The following SPIRE1 variants were observed in gnomAD, a reference collection of about 807,000 sequenced individuals.
The protein encoded by SPIRE1 is protein spire homolog 1.
In SPIRE1, 40 loss-of-function variants were observed where a neutral mutation model predicts 94.1. The ratio of observed to expected loss-of-function variants is 0.43; its 90% CI spans 0.33 to 0.55. The LOEUF is 0.55. Ranked by LOEUF, SPIRE1 falls within the 20% of genes least tolerant of loss-of-function variation. The pLI is 0.06. For missense variants in SPIRE1, 838 were observed against 975.2 expected (o/e 0.86, Z 1.87); for synonymous variants, 376 against 371.7 (o/e 1.01, Z -0.13).
chr18:12,630,975 G>A (rs963757938), intron 2 of SPIRE1, among the ~76,000 whole-genome samples: 9 of 152,176 alleles, frequency 5.9e-5, no homozygotes, highest in Admixed American at 3.3e-4. Flanking sequence ...TTGTGACCCC[G>A]TATAACCTCA....
Position 12,506,596 on chromosome 18 carries a change from T to C in SPIRE1, c.853A>G (p.Lys285Glu). The C allele has an allele frequency of 6.2e-7, 1 of 1,614,104 alleles. No individual in the cohort carries two copies. Among genetic ancestry groups the C allele is most frequent in the South Asian group, 1.1e-5 (1 of 91,084 alleles). ...QVMRDLRNGV[K>E]LKKVQERQYN... ...TGCCGCTCTTGGACCTTCTTAAGTT[T>C]TACCCCATTCCTCAAATCCCTCATC... Residue 285 changes from lysine to glutamate, a missense_variant, in exon 6 of 17, where the codon AAA (lysine) becomes GAA (glutamate). Around this residue, in one of 2 missense-constraint regions of SPIRE1, gnomAD observed 645 missense variants for 804.7 expected, o/e 0.80. Coordinates refer to ENST00000409402, the MANE Select transcript of SPIRE1 (RefSeq NM_001128626.2).
chr18:12,621,244 T>G (rs2037459915), intron 2 of SPIRE1, among the ~76,000 whole-genome samples: 1 of 152,152 alleles, frequency 6.6e-6, no homozygotes, highest in African/African-American at 2.4e-5. Context: ...TTGGCAAGGA[T>G]GTGGAAAAAT....
At position 12,453,122 on chromosome 18, in the gene SPIRE1, C is replaced by A; in HGVS notation, c.1793G>T (p.Arg598Leu). 1 of 1,606,484 alleles carries A rather than the reference C, an allele frequency of 6.2e-7. No individual in the cohort carries two copies. The highest frequency in any genetic ancestry group is 8.5e-7 in the Non-Finnish European group (1 of 1,177,834). Residue 598 changes from arginine (R) to leucine (L), a missense_variant, in exon 14 of 17, where the codon CGA (arginine) becomes CTA (leucine). Arg to Leu is a moderately radical substitution (Grantham distance 102). Transcript: ENST00000409402. ...LKKGKLCFCC[R>L]TRRFSFFTWS... ...AGTGAAGAAGGAAAACCTCCTGGTT[C>A]GGCAACAAAAGCAGAGCTAAAAAAT...
intron 2 of SPIRE1, among the ~76,000 whole-genome samples, chr18:12,584,454 T>C (rs550043613): frequency 8.6e-4 from 131 of 151,788 alleles, no homozygotes; most frequent in Admixed American, 1.5e-3. Context: ...AAAAATGAAT[T>C]TAAGAAAAAC....
chr18:12,487,156 T>C (rs1055496086), intron 8 of SPIRE1, among the ~76,000 whole-genome samples: 1 of 152,082 alleles, frequency 6.6e-6, no homozygotes, highest in African/African-American at 2.4e-5. Context: ...CCCGGCCAAT[T>C]CATAAGTTTT....
chr18:12,611,345 C>A (rs1289382598), intron 2 of SPIRE1, among the ~76,000 whole-genome samples: 1 of 152,280 alleles, frequency 6.6e-6, no homozygotes, highest in Middle Eastern at 3.4e-3. Flanking sequence ...TAGCTTCTCT[C>A]TATATATCTT....
At chr18:12,565,763 C>A (rs62097100) in intron 2 of SPIRE1, among the ~76,000 whole-genome samples, 51,109 of 148,310 alleles carry the variant, frequency 0.34, 10,080 homozygotes, top group East Asian at 0.6. Context: ...TGGCCGGGCG[C>A]GGTGGCTCAC....
chr18:12,558,610 C>G (rs2035589392), intron 2 of SPIRE1, among the ~76,000 whole-genome samples: 1 of 152,180 alleles, frequency 6.6e-6, no homozygotes, highest in Admixed American at 6.5e-5. Context: ...TCTGTTTTGA[C>G]AGAGTGCTGA....
rs745716391 is a variant in SPIRE1, at chr18:12,447,921, C to T, written c.*1717G>A. On this transcript the variant is annotated 3_prime_UTR_variant, in exon 17 of 17. Coordinates refer to ENST00000409402, the MANE Select transcript of SPIRE1 (RefSeq NM_001128626.2). Reference sequence around the variant, plus strand: ...CATCAAAAGGGGTAGATTTATACTCCCACCTAACTGTCTGGAGTATAGAGT... The same window carrying T: ...CATCAAAAGGGGTAGATTTATACTCTCACCTAACTGTCTGGAGTATAGAGT... 2 of 152,090 alleles carry T rather than the reference C, an allele frequency of 1.3e-5. No individual in the cohort carries two copies. The highest frequency in any genetic ancestry group is 2.9e-5 in the Non-Finnish European group (2 of 68,034). The allele number at this position is 152,090 out of a possible 1,614,324, so 9.4% of individuals were successfully genotyped here. A position where few individuals can be genotyped will look rare whatever the true frequency, so the allele number is the denominator to read the frequency against.
Position 12,472,396 on chromosome 18 carries a change from C to T in SPIRE1, c.1404+7303G>A, listed in dbSNP as rs142849111. On this transcript the variant is annotated intron_variant, in intron 10 of 16. Transcript: ENST00000409402. ...TTTTTTTTTTTTTTTGAGACAGGGT[C>T]TCACTCTACCACCCAGGCTGGAGTG... Among the ~76,000 whole-genome samples, 62 of 144,854 alleles carry T rather than the reference C, an allele frequency of 4.3e-4. No individual in the cohort carries two copies. In the East Asian group the frequency reaches 0.012, roughly 28 times the overall value.
At chr18:12,629,691 T>C (rs1942451693) in intron 2 of SPIRE1, among the ~76,000 whole-genome samples, 1 of 152,164 alleles carries the variant, frequency 6.6e-6, no homozygotes, top group Admixed American at 6.5e-5. Context: ...ATTGTAGGGA[T>C]AGTTAACAAC....
At chr18:12,633,469 G>A (rs1056343240) in intron 2 of SPIRE1, among the ~76,000 whole-genome samples, 1 of 151,910 alleles carries the variant, frequency 6.6e-6, no homozygotes, top group Non-Finnish European at 1.5e-5. Context: ...CCAGCGACTC[G>A]GGAAGCTGAG....
chr18:12,476,013 A>G (rs956737209), intron 10 of SPIRE1, among the ~76,000 whole-genome samples: 7 of 152,314 alleles, frequency 4.6e-5, no homozygotes, highest in Middle Eastern at 3.4e-3. Flanking sequence ...ATGGCTTTAC[A>G]ACAGACCTTC....
intron 4 of SPIRE1, among the ~76,000 whole-genome samples, chr18:12,526,092 C>CACACACACACACACACACACACAG (rs765621602): frequency 3.6e-4 from 53 of 148,960 alleles, no homozygotes; most frequent in African/African-American, 6.4e-4. Flanking sequence ...CACACACACA[C>CACACACACACACACACACACACAG]AGAGATGTAT....
intron 2 of SPIRE1, among the ~76,000 whole-genome samples, chr18:12,553,238 C>G (rs2035406991): frequency 6.6e-6 from 1 of 152,188 alleles, no homozygotes; most frequent in Non-Finnish European, 1.5e-5. Flanking sequence ...TAGGTACCAG[C>G]TTGGCCACAG....
chr18:12,462,389 G>T (rs2031901538), intron 12 of SPIRE1, among the ~76,000 whole-genome samples: 1 of 152,122 alleles, frequency 6.6e-6, no homozygotes, highest in Admixed American at 6.6e-5. Context: ...TTGACTGTGG[G>T]TAGAATATTA....
chr18:12,486,742 T>C (rs1423320287), intron 8 of SPIRE1, among the ~76,000 whole-genome samples: 1 of 152,248 alleles, frequency 6.6e-6, no homozygotes, highest in Non-Finnish European at 1.5e-5. Flanking sequence ...TGACACACAG[T>C]AAAAACTGAA....
At chr18:12,549,945 C>T (rs1425708948) in intron 2 of SPIRE1, among the ~76,000 whole-genome samples, 1 of 152,198 alleles carries the variant, frequency 6.6e-6, no homozygotes, top group African/African-American at 2.4e-5. Flanking sequence ...CCTACAGGAG[C>T]TGATCCATTC....
intron 10 of SPIRE1, among the ~76,000 whole-genome samples, chr18:12,467,344 A>G (rs773803786): frequency 6.6e-5 from 10 of 152,190 alleles, no homozygotes; most frequent in Non-Finnish European, 1.5e-4. Flanking sequence ...GGGACTTATC[A>G]TGAACACCAA....
Sources: allele counts gnomAD v4.1 joint callset (sites outside exome capture counted in the v4.1 genomes callset), GRCh38; gene constraint gnomAD v4.1.1; regional missense constraint gnomAD v4.1.1; transcripts MANE v1.5; gene names NCBI Gene and HGNC (gene_info 2026-07-23, HGNC 2026-07-21).